CLEC16A: variants seen among roughly 807,000 people sequenced by gnomAD.
The protein encoded by CLEC16A is C-type lectin domain containing 16A, also known as protein CLEC16A.
CLEC16A carries 51 observed loss-of-function variants against 109.5 expected under a neutral mutation model. That is an observed-to-expected ratio of 0.47 (90% CI 0.37 to 0.59). The LOEUF is 0.59. Among genes scored for constraint, CLEC16A ranks in the 20% least tolerant of loss-of-function variants. The pLI is 0.00. For missense variants in CLEC16A, 1,339 were observed against 1,394.0 expected (o/e 0.96, Z 0.63); for synonymous variants, 673 against 564.2 (o/e 1.19, Z -2.73).
At chr16:11,002,525 GGT>G (rs2044728042) in intron 10 of CLEC16A, among the ~76,000 whole-genome samples, 1 of 152,100 alleles carries the variant, frequency 6.6e-6, no homozygotes, top group Admixed American at 6.5e-5. Context: ...GTGTTCATGG[GGT>G]AAAATGGCAG....
chr16:11,088,652 T>G (rs960714419), intron 19 of CLEC16A, among the ~76,000 whole-genome samples: 14 of 152,208 alleles, frequency 9.2e-5, no homozygotes, highest in African/African-American at 3.4e-4. Flanking sequence ...GAGAGGGCTG[T>G]GATGTGCGGC....
intron 19 of CLEC16A, among the ~76,000 whole-genome samples, chr16:11,115,766 A>G (rs537191721): frequency 6.6e-6 from 1 of 152,338 alleles, no homozygotes; most frequent in East Asian, 1.9e-4. Context: ...TTAATAATGT[A>G]GAAGACTAGT....
intron 19 of CLEC16A, among the ~76,000 whole-genome samples, chr16:11,096,049 T>A (rs2050594418): frequency 6.6e-6 from 1 of 151,928 alleles, no homozygotes; most frequent in Admixed American, 6.6e-5. Context: ...AAAACAAAAC[T>A]AAGGCCAGAT....
chr16:11,061,732 A>C (rs886574464), intron 19 of CLEC16A, among the ~76,000 whole-genome samples: 2 of 152,382 alleles, frequency 1.3e-5, no homozygotes, highest in South Asian at 4.1e-4. Flanking sequence ...TATAAGAGAC[A>C]GAAAACTCAC....
At chr16:11,090,701 G>T (rs2050253610) in intron 19 of CLEC16A, among the ~76,000 whole-genome samples, 1 of 152,030 alleles carries the variant, frequency 6.6e-6, no homozygotes, top group Non-Finnish European at 1.5e-5. Context: ...CTGGAGTGCA[G>T]TGGTGTGATC....
intron 1 of CLEC16A, among the ~76,000 whole-genome samples, chr16:10,945,262 A>G (rs1596678188): frequency 6.6e-6 from 1 of 152,244 alleles, no homozygotes; most frequent in East Asian, 1.9e-4. Context: ...GCTTCCTGCT[A>G]TTGTGTTGAG....
intron 19 of CLEC16A, among the ~76,000 whole-genome samples, chr16:11,118,327 C>G (rs2052155809): frequency 6.6e-6 from 1 of 151,840 alleles, no homozygotes; most frequent in African/African-American, 2.4e-5. Context: ...CCATGCTTTT[C>G]CCGCCTTTTC....
At chr16:11,084,133 C>T (rs896442275) in intron 19 of CLEC16A, among the ~76,000 whole-genome samples, 2 of 151,986 alleles carry the variant, frequency 1.3e-5, no homozygotes, top group Admixed American at 1.3e-4. Flanking sequence ...GAGTGTGTCC[C>T]CTTCAGCTCT....
intron 23 of CLEC16A, among the ~76,000 whole-genome samples, chr16:11,175,516 T>TC (rs1401281558): frequency 6.6e-6 from 1 of 152,148 alleles, no homozygotes; most frequent in Admixed American, 6.5e-5. Context: ...TGGGTAATTT[T>TC]CCCCCCAATG....
intron 19 of CLEC16A, among the ~76,000 whole-genome samples, chr16:11,114,848 G>A (rs777557042): frequency 2.6e-5 from 4 of 152,184 alleles, no homozygotes; most frequent in African/African-American, 9.7e-5. Flanking sequence ...TGTAGAAGCC[G>A]CTTCATTTCT....
intron 22 of CLEC16A, among the ~76,000 whole-genome samples, chr16:11,132,089 C>T (rs1398503408): frequency 1.3e-5 from 2 of 152,290 alleles, no homozygotes; most frequent in African/African-American, 2.4e-5. Flanking sequence ...TTTAACACAA[C>T]ATAAAACTAA....
intron 18 of CLEC16A, among the ~76,000 whole-genome samples, chr16:11,054,616 G>C (rs567147768): frequency 1.4e-4 from 21 of 152,184 alleles, no homozygotes; most frequent in Non-Finnish European, 2.8e-4. Flanking sequence ...TATAAAAGAG[G>C]CCAGGCTACC....
chr16:10,963,845 C>T (rs1489144930), intron 3 of CLEC16A, among the ~76,000 whole-genome samples: 1 of 152,204 alleles, frequency 6.6e-6, no homozygotes, highest in Admixed American at 6.5e-5. Context: ...GTGCTGCTGA[C>T]ATCTAGTGGG....
intron 15 of CLEC16A, among the ~76,000 whole-genome samples, chr16:11,042,936 C>A (rs1037800377): frequency 1.3e-5 from 2 of 149,656 alleles, no homozygotes; most frequent in African/African-American, 2.4e-5. Context: ...TTTACATATA[C>A]AATATGTAAA....
intron 19 of CLEC16A, among the ~76,000 whole-genome samples, chr16:11,105,411 G>C (rs574161147): frequency 1.3e-5 from 2 of 152,306 alleles, no homozygotes; most frequent in African/African-American, 2.4e-5. Context: ...AGTCAGAGAG[G>C]CTGCCCCCAT....
rs2047487446 is a variant in CLEC16A, at chr16:11,043,906, T to A, written c.1771-122T>A. 13 of 611,668 alleles carry A rather than the reference T, an allele frequency of 2.1e-5. No individual in the cohort carries two copies. The Middle Eastern group carries it at 1.4e-3, about 64-fold the overall frequency. The allele number at this position is 611,668 out of a possible 1,614,324, so 37.9% of individuals were successfully genotyped here. A position where few individuals can be genotyped will look rare whatever the true frequency, so the allele number is the denominator to read the frequency against. ...GGGAAAAAAAAAAAACACCATTTTA[T>A]ACATTAAGGATATTAGTCCAGATCT... On this transcript the variant is annotated intron_variant, in intron 15 of 23. Coordinates refer to ENST00000409790, the MANE Select transcript of CLEC16A (RefSeq NM_015226.3).
At chr16:11,049,282 A>G (rs866701177) in intron 17 of CLEC16A, among the ~76,000 whole-genome samples, 35 of 152,102 alleles carry the variant, frequency 2.3e-4, no homozygotes, top group African/African-American at 8.0e-4. Context: ...GTGGAATTAC[A>G]GGCGTGAGCC....
intron 4 of CLEC16A, among the ~76,000 whole-genome samples, chr16:10,970,161 C>T (rs1303814464): frequency 6.6e-6 from 1 of 152,166 alleles, no homozygotes; most frequent in East Asian, 1.9e-4. Flanking sequence ...TCAGCGAGGA[C>T]CCAGGCTTTC....
intron 11 of CLEC16A, among the ~76,000 whole-genome samples, chr16:11,006,439 G>C (rs139448707): frequency 1.1e-4 from 16 of 152,306 alleles, no homozygotes; most frequent in African/African-American, 3.6e-4. Flanking sequence ...TTTTGAGATA[G>C]ACATGCGGCT....
Sources: allele counts gnomAD v4.1 joint callset (sites outside exome capture counted in the v4.1 genomes callset), GRCh38; gene constraint gnomAD v4.1.1; transcripts MANE v1.5; gene names NCBI Gene and HGNC (gene_info 2026-07-23, HGNC 2026-07-21).